Variants in ENPP1 observed in about 807,000 individuals in gnomAD.
ENPP1 encodes ectonucleotide pyrophosphatase/phosphodiesterase 1.
ENPP1 carries 73 observed loss-of-function variants against 122.8 expected under a neutral mutation model. That is an observed-to-expected ratio of 0.59 (90% CI 0.49 to 0.72). The LOEUF (loss-of-function observed/expected upper bound fraction) is 0.72. ENPP1 is among the 30% of genes least tolerant of loss of function. The probability of loss-of-function intolerance (pLI) is 0.00; values close to 1 mark genes in which losing one functional copy is unlikely to be tolerated. For missense variants in ENPP1, 978 were observed against 1,128.1 expected (o/e 0.87, Z 1.91); for synonymous variants, 367 against 391.6 (o/e 0.94, Z 0.74).
At chr6:131,817,920 A>G (rs1781436095) in intron 1 of ENPP1, among the ~76,000 whole-genome samples, 1 of 152,086 alleles carries the variant, frequency 6.6e-6, no homozygotes, top group Non-Finnish European at 1.5e-5. Flanking sequence ...TTCTCACCGT[A>G]TTTCAGGACT....
Position 131,857,820 on chromosome 6 carries a change from C to A in ENPP1, c.716-848C>A, listed in dbSNP as rs1781968281. 2.6e-5 allele frequency among the ~76,000 whole-genome samples: 4 copies of A among 152,276 alleles called. No individual in the cohort carries two copies. The South Asian group carries it at 8.3e-4, about 32-fold the overall frequency. ...TATAATTAAAATAAATAAATAAATACAGCCCTTTGTTACCATTATCAGGAG... is the reference window on the plus strand; with the variant it reads ...TATAATTAAAATAAATAAATAAATAAAGCCCTTTGTTACCATTATCAGGAG... On this transcript the variant is annotated intron_variant, in intron 6 of 24. Transcript: ENST00000647893.
chr6:131,823,529 A>T (rs1450338652), intron 1 of ENPP1, among the ~76,000 whole-genome samples: 1 of 152,088 alleles, frequency 6.6e-6, no homozygotes, highest in African/African-American at 2.4e-5. Flanking sequence ...CATTCAGCTC[A>T]GCCTTGTACA....
At chr6:131,877,202 G>C (rs922280818) in intron 18 of ENPP1, 41 bp downstream of exon 18, 1 of 1,576,450 alleles carries the variant, frequency 6.3e-7, no homozygotes, top group African/African-American at 1.3e-5. Flanking sequence ...TGTATGGTTT[G>C]ATAGCACCCT....
intron 5 of ENPP1, 143 bp from the exon 6 acceptor site, chr6:131,854,783 A>G: frequency 2.9e-6 from 2 of 680,382 alleles, no homozygotes; most frequent in Admixed American, 4.5e-5. Context: ...ATGCTTGCCG[A>G]CTTTGTTAGT....
rs564304453 is a variant in ENPP1 at position 131,893,949 on chromosome 6, C to CTTTTTTTTTTTT, written c.*3457_*3468dup. ...GTGAAACCTTTATTTATCTTGATTT[C>CTTTTTTTTTTTT]TTTTTTTTTTTTTTTTTTTTTTTTT... On this transcript the variant is annotated 3_prime_UTR_variant, in exon 25 of 25. Coordinates refer to ENST00000647893, the MANE Select transcript of ENPP1 (RefSeq NM_006208.3). 9 of 59,498 alleles carry CTTTTTTTTTTTT rather than the reference C, an allele frequency of 1.5e-4. No individual in the cohort carries two copies. Among genetic ancestry groups the CTTTTTTTTTTTT allele is most frequent in the Admixed American group, 2.4e-4 (1 of 4,088 alleles). 3.7% of individuals were successfully genotyped at this position (59,498 alleles called of 1,614,324 possible).
intron 1 of ENPP1, among the ~76,000 whole-genome samples, chr6:131,838,977 A>C (rs1781708634): frequency 6.6e-6 from 1 of 152,164 alleles, no homozygotes; most frequent in South Asian, 2.1e-4. Context: ...CAAATTAATA[A>C]ACTTCTTACA....
At chr6:131,846,016 T>C (rs954988432) in intron 1 of ENPP1, among the ~76,000 whole-genome samples, 1 of 152,220 alleles carries the variant, frequency 6.6e-6, no homozygotes, top group Non-Finnish European at 1.5e-5. Flanking sequence ...CCATTTTATT[T>C]TGAAGTAAGT....
At chr6:131,848,475 T>C (rs1322422565) in intron 2 of ENPP1, among the ~76,000 whole-genome samples, 1 of 152,186 alleles carries the variant, frequency 6.6e-6, no homozygotes, top group Admixed American at 6.5e-5. Flanking sequence ...GCTTTGAAAA[T>C]TGAACAGGTT....
At chr6:131,883,818 T>C in intron 22 of ENPP1, 44 bp downstream of exon 22, 2 of 987,720 alleles carry the variant, frequency 2.0e-6, no homozygotes, top group Non-Finnish European at 3.3e-6. Context: ...AATGAATTTG[T>C]GCACATATAG....
chr6:131,827,203 C>T, intron 1 of ENPP1: 1 of 815,898 alleles, frequency 1.2e-6, no homozygotes, highest in Admixed American at 1.8e-5. Context: ...AGTTTCTCAA[C>T]TGTCCATTCA....
chr6:131,882,217 T>G, intron 20 of ENPP1, 128 bp from the exon 21 acceptor site: 1 of 721,028 alleles, frequency 1.4e-6, no homozygotes, highest in Non-Finnish European at 2.4e-6. Flanking sequence ...AGTAGGAAAA[T>G]AGGGAAGGAC....
intron 11 of ENPP1, among the ~76,000 whole-genome samples, chr6:131,866,701 T>C (rs2114709012): frequency 1.3e-5 from 2 of 152,320 alleles, no homozygotes; most frequent in South Asian, 4.1e-4. Flanking sequence ...AGTAACTCCA[T>C]TGTGCCTTCC....
At chr6:131,824,309 A>G (rs1406905981) in intron 1 of ENPP1, among the ~76,000 whole-genome samples, 1 of 152,064 alleles carries the variant, frequency 6.6e-6, no homozygotes, top group Non-Finnish European at 1.5e-5. Context: ...GCAGCAGGGG[A>G]AAGGCCCTGG....
rs1562188790 is a variant in ENPP1 at position 131,891,653 on chromosome 6, C to T, written c.*1142C>T. ...ACACCAAAGATTTTTATATGTCCTT[C>T]GTGTGACCATTCTTCAACGGCCTAA... On this transcript the variant is annotated 3_prime_UTR_variant, in exon 25 of 25. Coordinates refer to ENST00000647893, the MANE Select transcript of ENPP1 (RefSeq NM_006208.3). The T allele has an allele frequency of 6.6e-6, 1 of 151,910 alleles. No individual in the cohort carries two copies. Among genetic ancestry groups the T allele is most frequent in the Non-Finnish European group, 1.5e-5 (1 of 68,010 alleles). The allele number at this position is 151,910 out of a possible 1,614,324, so 9.4% of individuals were successfully genotyped here. A position where few individuals can be genotyped will look rare whatever the true frequency, so the allele number is the denominator to read the frequency against.
At chr6:131,869,886 C>T (rs756352207) in intron 13 of ENPP1, among the ~76,000 whole-genome samples, 5 of 150,512 alleles carry the variant, frequency 3.3e-5, no homozygotes, top group Non-Finnish European at 7.4e-5. Context: ...AGAATACCTT[C>T]CTTTAAATCA....
At chr6:131,832,289 T>C (rs1781624397) in intron 1 of ENPP1, among the ~76,000 whole-genome samples, 1 of 152,206 alleles carries the variant, frequency 6.6e-6, no homozygotes, top group East Asian at 1.9e-4. Context: ...TAAACCTTTG[T>C]GCCTGAACTC....
intron 12 of ENPP1, 109 bp from the exon 13 acceptor site, chr6:131,869,249 T>C: frequency 2.0e-6 from 2 of 985,800 alleles, no homozygotes; most frequent in Non-Finnish European, 3.2e-6. Flanking sequence ...ATATGAGTGC[T>C]ACACCCATGT....
intron 1 of ENPP1, among the ~76,000 whole-genome samples, chr6:131,847,329 C>A (rs571907921): frequency 6.6e-6 from 1 of 152,198 alleles, no homozygotes; most frequent in South Asian, 2.1e-4. Flanking sequence ...TTTCTAATTA[C>A]ATTAACATTG....
chr6:131,869,799 T>A (rs1585830978), intron 13 of ENPP1, among the ~76,000 whole-genome samples: 1 of 142,312 alleles, frequency 7.0e-6, no homozygotes, highest in Non-Finnish European at 1.5e-5. Flanking sequence ...GAGGTTACAG[T>A]GAGCTAAGAT....
Sources: gnomAD v4.1 joint callset for allele counts (sites outside exome capture counted in the v4.1 genomes callset) on GRCh38, gnomAD v4.1.1 for gene constraint, MANE v1.5 for transcripts, NCBI Gene and HGNC (gene_info 2026-07-23, HGNC 2026-07-21) for gene names.